The following NLRP9 variants were observed in gnomAD, a reference collection of about 807,000 sequenced individuals.
The protein encoded by NLRP9 is NLR family pyrin domain containing 9, also known as NACHT, LRR and PYD domains-containing protein 9.
In NLRP9, 88 loss-of-function variants were observed where a neutral mutation model predicts 83.1. The observed-to-expected ratio is 1.06, with a 90% CI of 0.89 to 1.26. The LOEUF (loss-of-function observed/expected upper bound fraction) is 1.26, where lower values mean the gene tolerates loss of function less well. Among genes scored for constraint, NLRP9 ranks in the 50% most tolerant of loss-of-function variants. The probability of loss-of-function intolerance (pLI) is 0.00; values close to 1 mark genes in which losing one functional copy is unlikely to be tolerated. For synonymous variants in NLRP9, 521 were observed against 447.6 expected (o/e 1.16, Z -2.07); for missense variants, 1,308 against 1,179.3 (o/e 1.11, Z -1.60).
intron 1 of NLRP9, among the ~76,000 whole-genome samples, chr19:55,734,047 C>A (rs1004771184): frequency 1.3e-5 from 2 of 151,106 alleles, no homozygotes; most frequent in African/African-American, 4.9e-5. Context: ...CGCAGCCTCC[C>A]GAGTAGCTGG....
At chr19:55,728,884 A>G (rs1043362206) in intron 3 of NLRP9, among the ~76,000 whole-genome samples, 18 of 152,150 alleles carry the variant, frequency 1.2e-4, no homozygotes, top group African/African-American at 3.9e-4. Context: ...GCAAATCAAG[A>G]TAAGTAAAAT....
intron 3 of NLRP9, 99 bp downstream of exon 3, chr19:55,729,732 C>T (rs1988514809): frequency 3.3e-6 from 3 of 921,594 alleles, no homozygotes; most frequent in South Asian, 1.7e-5. Flanking sequence ...CACTGGATTG[C>T]CGCTCTGCAT....
rs745963932 is a variant in NLRP9 at position 55,732,662 on chromosome 19, G to C, written c.1169C>G (p.Ala390Gly). The C allele has an allele frequency of 6.2e-7, 1 of 1,614,170 alleles. No homozygotes were observed. Among genetic ancestry groups the C allele is most frequent in the South Asian group, 1.1e-5 (1 of 91,088 alleles). Residue 390 changes from alanine (A) to glycine (G), a missense_variant, in exon 2 of 9, where the codon GCC (alanine) becomes GGC (glycine). By Grantham distance (60) the Ala-to-Gly change is moderately conservative. Transcript: ENST00000332836. ...CAAAGCACACAGGCTTTTTAGTCGG[G>C]CTCTGTTCACCTTAGGTGGAAAACT... is the stretch of plus-strand genomic sequence containing the variant. Reference protein sequence around the residue: ...SQSFPPKVNRARLKSLCALAA... With the variant: ...SQSFPPKVNRGRLKSLCALAA...
chr19:55,711,791 T>G lies in NLRP9; in HGVS notation c.2843+9A>C. ...GTCACTCACCCCAAAGGAAACAGTG[T>G]CCACTCACCCCAGCATCTGCAGGGC... On this transcript the variant is annotated intron_variant, in intron 8 of 8. Transcript: ENST00000332836. The G allele has an allele frequency of 6.2e-7, 1 of 1,611,970 alleles. No homozygotes were observed. The highest frequency in any genetic ancestry group is 8.5e-7 in the Non-Finnish European group (1 of 1,179,052).
chr19:55,719,059 G>A (rs1217128611), intron 4 of NLRP9, among the ~76,000 whole-genome samples: 1 of 152,202 alleles, frequency 6.6e-6, no homozygotes, highest in Admixed American at 6.5e-5. Context: ...AGTCCCACAA[G>A]ATCACCCTTG....
At chr19:55,718,308 C>T (rs1988097293) in intron 4 of NLRP9, among the ~76,000 whole-genome samples, 1 of 152,166 alleles carries the variant, frequency 6.6e-6, no homozygotes, top group Admixed American at 6.5e-5. Flanking sequence ...CAACCCGACA[C>T]CCGTAAAGGG....
chr19:55,712,485 T>C lies in NLRP9; in HGVS notation c.2607A>G (p.Gly869=). 1 of 1,612,754 alleles carries C rather than the reference T, an allele frequency of 6.2e-7. No individual in the cohort carries two copies. Among genetic ancestry groups the C allele is most frequent in the African/African-American group, 1.3e-5 (1 of 75,006 alleles). ...KTLKLGHNEI[G]DTGVRQLCAA... ...CACATAACTGTCTGACACCAGTGTC[T>C]CCTATTTCATTATGCCCAAGTTTCA... Residue 869 remains glycine, a synonymous_variant, in exon 7 of 9, where the codon GGA becomes GGG. Coordinates refer to ENST00000332836, the MANE Select transcript of NLRP9 (RefSeq NM_176820.4).
In NLRP9 at chr19:55,711,780, A is replaced by T. The variant is rs773817141; in HGVS notation, c.2843+20T>A. The stretch of plus-strand genomic sequence containing the variant: ...CTCGTTCTGAAGTCACTCACCCCAA[A>T]GGAAACAGTGTCCACTCACCCCAGC... On this transcript the variant is annotated intron_variant, in intron 8 of 8. Coordinates refer to ENST00000332836, the MANE Select transcript of NLRP9 (RefSeq NM_176820.4). 1.2e-6 allele frequency: 2 copies of T among 1,610,268 alleles called. No homozygotes were observed. Among genetic ancestry groups the T allele is most frequent in the Non-Finnish European group, 1.7e-6 (2 of 1,177,760 alleles).
intron 3 of NLRP9, among the ~76,000 whole-genome samples, chr19:55,727,820 C>T (rs899017568): frequency 6.6e-6 from 1 of 152,186 alleles, no homozygotes; most frequent in Non-Finnish European, 1.5e-5. Context: ...CAGAGAAACA[C>T]TGTGCTCCCC....
At position 55,712,598 on chromosome 19, in the gene NLRP9, G is replaced by C; in HGVS notation, c.2502-8C>G. The C allele has an allele frequency of 6.2e-7, 1 of 1,611,140 alleles. No homozygotes were observed. Among genetic ancestry groups the C allele is most frequent in the Non-Finnish European group, 8.5e-7 (1 of 1,179,304 alleles). ...AGGAAACAGCCCATCAACCTGGGGA[G>C]GTGGAAGACACACAAATACGTACAC... On this transcript the variant is annotated splice_polypyrimidine_tract_variant and splice_region_variant and intron_variant, in intron 6 of 8. Transcript: ENST00000332836.
Position 55,733,467 on chromosome 19 carries a change from G to T in NLRP9, c.364C>A (p.His122Asn), listed in dbSNP as rs927717702. 2 of 1,613,564 alleles carry T rather than the reference G, an allele frequency of 1.2e-6. No individual in the cohort carries two copies. Among genetic ancestry groups the T allele is most frequent in the South Asian group, 1.1e-5 (1 of 90,992 alleles). Residue 122 changes from histidine (H) to asparagine (N), a missense_variant, in exon 2 of 9, where the codon CAT becomes AAT. Coordinates refer to ENST00000332836, the MANE Select transcript of NLRP9 (RefSeq NM_176820.4). ...EKETCLHVPE[H>N]FYKETMKNEY... ...TTTTTCATGGTTTCTTTGTAGAAAT[G>T]CTCAGGGACGTGAAGACAGGTTTCC... is the stretch of plus-strand genomic sequence containing the variant.
chr19:55,734,639 T>C (rs74182560), intron 1 of NLRP9, among the ~76,000 whole-genome samples: 1 of 42,400 alleles, frequency 2.4e-5, no homozygotes, highest in Non-Finnish European at 5.2e-5. Flanking sequence ...ATATATATAT[T>C]TTTTTTTTTT....
At position 55,712,085 on chromosome 19, in the gene NLRP9, C is replaced by A. The variant is rs577151349; in HGVS notation, c.2673-115G>T. The A allele has an allele frequency of 2.7e-5, 29 of 1,062,084 alleles. 2 individuals are homozygous for A. The South Asian group carries it at 4.2e-4, about 15-fold the overall frequency. The allele number at this position is 1,062,084 out of a possible 1,614,324, so 65.8% of individuals were successfully genotyped here. ...GGCAGGACGCTCTGCTGTCTAGACC[C>A]GGGCTTCTCAGCCAGGACGATTGTG... On this transcript the variant is annotated intron_variant, in intron 7 of 8. Transcript: ENST00000332836.
chr19:55,736,698 G>A (rs886781829), intron 1 of NLRP9, among the ~76,000 whole-genome samples: 18 of 152,092 alleles, frequency 1.2e-4, no homozygotes, highest in Admixed American at 1.0e-3. Flanking sequence ...GCTGGGCGTG[G>A]TGGTGCATGC....
At chr19:55,729,688 A>G in intron 3 of NLRP9, 143 bp downstream of exon 3, 5 of 627,576 alleles carry the variant, frequency 8.0e-6, no homozygotes, top group Non-Finnish European at 1.4e-5. Flanking sequence ...TAGTGCCGCA[A>G]TAAACATACA....
chr19:55,732,365 G>A lies in NLRP9; in HGVS notation c.1466C>T (p.Thr489Ile), dbSNP rs1988599434. 2 of 1,614,082 alleles carry A rather than the reference G, an allele frequency of 1.2e-6. No individual in the cohort carries two copies. Among genetic ancestry groups the A allele is most frequent in the South Asian group, 1.1e-5 (1 of 91,088 alleles). ...ASVVQPQTLL[T>I]QVGIFMFGIS... ...TCCAAACATGAATATCCCCACCTGG[G>A]TCAAGAGGGTTTGAGGCTGAACCAC... Residue 489 changes from threonine (T) to isoleucine (I), a missense_variant, in exon 2 of 9, where the codon ACC becomes ATC. Thr to Ile is a moderately conservative substitution (Grantham distance 89, BLOSUM62 -1). Transcript: ENST00000332836.
chr19:55,724,149 A>T lies in NLRP9; in HGVS notation c.1995-5T>A. The T allele has an allele frequency of 1.9e-6, 3 of 1,594,062 alleles. No homozygotes were observed. The highest frequency in any genetic ancestry group is 2.6e-6 in the Non-Finnish European group (3 of 1,168,098). ...CCAAAGTACACAGAAGTAAATCTGC[A>T]AAAGATTAAAAAAAAAATAGCATCA... On this transcript the variant is annotated splice_region_variant and splice_polypyrimidine_tract_variant and intron_variant, in intron 3 of 8. Coordinates refer to ENST00000332836, the MANE Select transcript of NLRP9 (RefSeq NM_176820.4).
rs531771476 is a variant in NLRP9, at chr19:55,711,802, C to A, written c.2841G>T (p.Leu947=). ...CAAAGGAAACAGTGTCCACTCACCC[C>A]AGCATCTGCAGGGCACAGTCCGGGT... ...LSHPDCALQM[L]GLHKSGFDEE... is the part of the protein sequence containing the mutation. The change falls in exon 8 of 9, where the codon CTG becomes CTT. Residue 947 remains leucine (L), a splice_region_variant and synonymous_variant. Transcript: ENST00000332836. 40 of 1,612,856 alleles carry A rather than the reference C, an allele frequency of 2.5e-5. No homozygotes were observed. Among genetic ancestry groups the A allele is most frequent in the Non-Finnish European group, 3.2e-5 (38 of 1,179,758 alleles).
chr19:55,710,541 C>T (rs992816623), intron 8 of NLRP9, among the ~76,000 whole-genome samples: 2 of 152,106 alleles, frequency 1.3e-5, no homozygotes, highest in African/African-American at 4.8e-5. Flanking sequence ...GTGGATCCTT[C>T]GTGAATGGTT....
Sources: gnomAD v4.1 joint callset for allele counts (sites outside exome capture counted in the v4.1 genomes callset) on GRCh38, gnomAD v4.1.1 for gene constraint, MANE v1.5 for transcripts, NCBI Gene and HGNC (gene_info 2026-07-23, HGNC 2026-07-21) for gene names.